RYR2: variants seen among roughly 807,000 people sequenced by gnomAD.
RYR2 encodes cardiac muscle ryanodine receptor-calcium release channel.
A neutral mutation model predicts 601.1 loss-of-function variants in RYR2; 227 were observed. The observed-to-expected ratio is 0.38, with a 90% CI of 0.34 to 0.42. RYR2 has a LOEUF of 0.42. Among genes scored for constraint, RYR2 ranks in the 10% least tolerant of loss-of-function variants. The pLI, the probability that RYR2 is intolerant of heterozygous loss-of-function variation, is 1.00. For synonymous variants in RYR2, 2,223 were observed against 2,175.1 expected, an observed-to-expected ratio of 1.02 and a Z score of -0.61; for missense variants, 4,646 against 6,156.5, an observed-to-expected ratio of 0.75 and a Z score of 8.21.
intron 29 of RYR2, among the ~76,000 whole-genome samples, chr1:237,586,723 T>A (rs969816556): frequency 1.3e-5 from 2 of 152,066 alleles, no homozygotes; most frequent in African/African-American, 4.8e-5. Context: ...AACTTCTTTT[T>A]TTTTTCTTTT....
At chr1:237,599,802 C>T (rs1460066051) in intron 34 of RYR2, among the ~76,000 whole-genome samples, 1 of 93,500 alleles carries the variant, frequency 1.1e-5, no homozygotes, top group Non-Finnish European at 2.2e-5. Flanking sequence ...GAGTGAGACT[C>T]CATCTCAAAA....
At chr1:237,103,024 A>G (rs935088675) in intron 1 of RYR2, among the ~76,000 whole-genome samples, 3 of 152,214 alleles carry the variant, frequency 2.0e-5, no homozygotes, top group Non-Finnish European at 4.4e-5. Context: ...AACTCCACGA[A>G]AAACAACCAA....
intron 1 of RYR2, among the ~76,000 whole-genome samples, chr1:237,243,843 A>G (rs902481693): frequency 5.9e-5 from 9 of 152,226 alleles, no homozygotes; most frequent in African/African-American, 1.9e-4. Flanking sequence ...ACAAAAAACT[A>G]TACATATATA....
chr1:237,424,078 G>T (rs1302666076), intron 12 of RYR2, among the ~76,000 whole-genome samples: 1 of 152,070 alleles, frequency 6.6e-6, no homozygotes, highest in African/African-American at 2.4e-5. Flanking sequence ...GGAACAGCAT[G>T]GGGGAAACTC....
chr1:237,780,456 C>A (rs151068524), intron 88 of RYR2, among the ~76,000 whole-genome samples: 25 of 152,220 alleles, frequency 1.6e-4, no homozygotes, highest in African/African-American at 4.8e-4. Context: ...AGAAAGAAAA[C>A]GTCTCATCTT....
rs1173689337 is a variant in RYR2 at position 237,417,186 on chromosome 1, T to C, written c.848+63T>C. 4 of 1,298,686 alleles carry C rather than the reference T, an allele frequency of 3.1e-6. No individual in the cohort carries two copies. In the African/African-American group the frequency reaches 4.4e-5, roughly 14 times the overall value. The allele number at this position is 1,298,686 out of a possible 1,614,324, so 80.4% of individuals were successfully genotyped here. ...TGTACCAAATAGCTCAGCGTTGTGC[T>C]TCTGTGTCAGCCTGTGATGCTGAAA... On this transcript the variant is annotated intron_variant, in intron 11 of 104. Transcript: ENST00000366574.
Position 237,832,813 on chromosome 1 carries a change from C to G in RYR2, c.*166C>G, listed in dbSNP as rs1451576890. 2.9e-5 allele frequency: 15 copies of G among 522,222 alleles called. No homozygotes were observed. The highest frequency in any genetic ancestry group is 5.1e-5 in the Non-Finnish European group (15 of 291,970). The allele number at this position is 522,222 out of a possible 1,614,324, so 32.3% of individuals were successfully genotyped here. On this transcript the variant is annotated 3_prime_UTR_variant, in exon 105 of 105. Transcript: ENST00000366574. ...TCGGAAGAGCTGTTTCCTCCCCCCA[C>G]CTTTTGTATTTACTTTGAGACTAAA...
At chr1:237,140,619 T>G (rs16834885) in intron 1 of RYR2, among the ~76,000 whole-genome samples, 6,013 of 152,310 alleles carry the variant, frequency 0.039, 370 homozygotes, top group African/African-American at 0.14. Flanking sequence ...GATGTGTAAA[T>G]AGAGTGAAAT....
rs551140501 is a variant in RYR2, at chr1:237,436,454, C to CTTTTTTT, written c.1006-4847_1006-4841dup. ...AGCCGAGGGATAATGTGTGATTTTCCTTTTTTTTTTTTTTTTTTTTTTTTG... is the reference window on the plus strand; with the variant it reads ...AGCCGAGGGATAATGTGTGATTTTCCTTTTTTTTTTTTTTTTTTTTTTTTTTTTTTTG... On this transcript the variant is annotated intron_variant, in intron 12 of 104. Transcript: ENST00000366574. Among the ~76,000 whole-genome samples the CTTTTTTT allele has an allele frequency of 5.2e-3, 255 of 48,672 alleles. 20 individuals carry two copies. Among genetic ancestry groups the CTTTTTTT allele is most frequent in the Non-Finnish European group, 6.9e-3 (195 of 28,408 alleles). The allele number at this position is 48,672 out of a possible 152,430, so 31.9% of individuals were successfully genotyped here. A position where few individuals can be genotyped will look rare whatever the true frequency, so the allele number is the denominator to read the frequency against.
intron 10 of RYR2, among the ~76,000 whole-genome samples, chr1:237,406,653 A>G (rs1032187801): frequency 1.3e-5 from 2 of 152,038 alleles, no homozygotes; most frequent in African/African-American, 4.8e-5. Flanking sequence ...ATATATTCCT[A>G]ATATATTTGT....
At chr1:237,421,675 A>T (rs1315935568) in intron 11 of RYR2, among the ~76,000 whole-genome samples, 1 of 152,220 alleles carries the variant, frequency 6.6e-6, no homozygotes, top group Non-Finnish European at 1.5e-5. Flanking sequence ...AGTCTGTATG[A>T]ACCCAAGTTT....
chr1:237,342,495 G>A (rs895036418), intron 3 of RYR2, among the ~76,000 whole-genome samples: 10 of 151,984 alleles, frequency 6.6e-5, no homozygotes, highest in African/African-American at 2.4e-4. Context: ...CACATTCTGA[G>A]AAGATACACT....
At chr1:237,356,076 G>A (rs969697636) in intron 4 of RYR2, 91 bp downstream of exon 4, 1 of 1,165,932 alleles carries the variant, frequency 8.6e-7, no homozygotes, top group Middle Eastern at 1.9e-4. Flanking sequence ...TCCTAGTGTG[G>A]CTTGTACTAT....
At chr1:237,363,715 C>CATAT (rs1699972971) in intron 4 of RYR2, among the ~76,000 whole-genome samples, 1 of 152,000 alleles carries the variant, frequency 6.6e-6, no homozygotes, top group Non-Finnish European at 1.5e-5. Flanking sequence ...CACACACATA[C>CATAT]GTACACATTA....
intron 14 of RYR2, among the ~76,000 whole-genome samples, chr1:237,453,489 A>G (rs1658444122): frequency 6.6e-6 from 1 of 152,128 alleles, no homozygotes; most frequent in Non-Finnish European, 1.5e-5. Context: ...AATTAGTCAG[A>G]AACATTTGCT....
Position 237,204,168 on chromosome 1 carries a change from G to A in RYR2, c.49-66329G>A, listed in dbSNP as rs537987945. On this transcript the variant is annotated intron_variant, in intron 1 of 104. Transcript: ENST00000366574. ...TGGGACTACAGATGTGTGCCACCAC[G>A]CCTGGCTAATTTTGTATTTTTTGTA... 1.8e-3 allele frequency among the ~76,000 whole-genome samples: 268 copies of A among 152,166 alleles called. 3 individuals carry two copies. Among genetic ancestry groups the A allele is most frequent in the African/African-American group, 6.2e-3 (259 of 41,526 alleles).
At chr1:237,743,489 G>A (rs1691796602) in intron 80 of RYR2, 1 of 435,342 alleles carries the variant, frequency 2.3e-6, no homozygotes, top group South Asian at 1.8e-5. Context: ...AATGAGCTGT[G>A]AGCAGCAGAT....
chr1:237,648,430 C>A lies in RYR2; in HGVS notation c.7343-14C>A, dbSNP rs752781567. 1 of 1,588,174 alleles carries A rather than the reference C, an allele frequency of 6.3e-7. No homozygotes were observed. The highest frequency in any genetic ancestry group is 8.6e-7 in the Non-Finnish European group (1 of 1,165,448). On this transcript the variant is annotated splice_polypyrimidine_tract_variant and intron_variant, in intron 48 of 104. Transcript: ENST00000366574. ...ACACAGCCATTGACACCAAAATTCA[C>A]TTCTCTCTTTTAGATGGGAATGTGG...
chr1:237,407,153 A>G (rs1703981806), intron 10 of RYR2, among the ~76,000 whole-genome samples: 1 of 152,190 alleles, frequency 6.6e-6, no homozygotes, highest in Non-Finnish European at 1.5e-5. Flanking sequence ...ATATCTTTTC[A>G]TGACTTGATA....
Sources: allele counts gnomAD v4.1 joint callset (sites outside exome capture counted in the v4.1 genomes callset), GRCh38; gene constraint gnomAD v4.1.1; transcripts MANE v1.5; gene names NCBI Gene and HGNC (gene_info 2026-07-23, HGNC 2026-07-21).